The following JAKMIP3 variants were observed in gnomAD, a reference collection of about 807,000 sequenced individuals.
The protein encoded by JAKMIP3 is janus kinase and microtubule-interacting protein 3.
A neutral mutation model predicts 118.5 loss-of-function variants in JAKMIP3; 58 were observed. The observed-to-expected ratio is 0.49, with a 90% CI of 0.40 to 0.61. The LOEUF is 0.61. Among genes scored for constraint, JAKMIP3 ranks in the 20% least tolerant of loss-of-function variants. The pLI, the probability that JAKMIP3 is intolerant of heterozygous loss-of-function variation, is 0.00. For synonymous variants in JAKMIP3, 486 were observed against 451.2 expected (o/e 1.08, Z -0.98); for missense variants, 950 against 1,109.0 (o/e 0.86, Z 2.04).
chr10:132,098,428 T>C (rs9419187), intron 1 of JAKMIP3, among the ~76,000 whole-genome samples: 93,142 of 152,052 alleles, frequency 0.61, 28,786 homozygotes, highest in East Asian at 0.71. Context: ...AAAATGTGAA[T>C]GTGTTGAAGT....
At position 132,112,099 on chromosome 10, in the gene JAKMIP3, G is replaced by A. The variant is rs1490434897; in HGVS notation, c.136-4978G>A. 6.6e-6 allele frequency among the ~76,000 whole-genome samples: 1 copy of A among 151,954 alleles called. No homozygotes were observed. The highest frequency in any genetic ancestry group is 1.5e-5 in the Non-Finnish European group (1 of 67,954). On this transcript the variant is annotated intron_variant, in intron 2 of 23. Coordinates refer to ENST00000684848, the MANE Select transcript of JAKMIP3 (RefSeq NM_001323087.2). The surrounding 1 kb of genome is among the most constrained non-coding windows in gnomAD (Gnocchi z 4.3). Reference sequence around the variant, plus strand: ...GCTTGGGTCTGAGCAGCAGTGGCCGGGCTGCCCTTTGCTGAGGTGGCATCT... The same window carrying A: ...GCTTGGGTCTGAGCAGCAGTGGCCGAGCTGCCCTTTGCTGAGGTGGCATCT...
intron 1 of JAKMIP3, among the ~76,000 whole-genome samples, chr10:132,053,229 C>T (rs939031009): frequency 4.6e-5 from 7 of 152,218 alleles, no homozygotes; most frequent in Non-Finnish European, 4.4e-5. Flanking sequence ...TCTGTCACCA[C>T]CCTCAAAGTT....
chr10:132,084,970 G>A (rs2042201121), intron 1 of JAKMIP3, among the ~76,000 whole-genome samples: 1 of 152,180 alleles, frequency 6.6e-6, no homozygotes, highest in African/African-American at 2.4e-5. Flanking sequence ...GTTGGATTCG[G>A]TTAGCTAGTA....
intron 10 of JAKMIP3, among the ~76,000 whole-genome samples, chr10:132,141,688 G>A (rs1438189204): frequency 2.6e-5 from 4 of 152,098 alleles, no homozygotes; most frequent in Non-Finnish European, 5.9e-5. Context: ...CCCACCCCAG[G>A]GCTCGGTGCT....
intron 1 of JAKMIP3, among the ~76,000 whole-genome samples, chr10:132,048,865 C>T (rs113715733): frequency 6.6e-6 from 1 of 152,128 alleles, no homozygotes; most frequent in African/African-American, 2.4e-5. Context: ...TAGTCTCGAT[C>T]TCCTGACCTC....
intron 1 of JAKMIP3, among the ~76,000 whole-genome samples, chr10:132,043,840 C>T (rs1272488935): frequency 6.6e-6 from 1 of 152,120 alleles, no homozygotes; most frequent in Non-Finnish European, 1.5e-5. Flanking sequence ...GGGTTGTTTT[C>T]CTTAACATTT....
Position 132,148,040 on chromosome 10 carries a change from T to C in JAKMIP3, c.1838T>C (p.Leu613Pro). Residue 613 changes from leucine to proline, a missense_variant, in exon 14 of 24, where the codon CTG (leucine) becomes CCG (proline). By Grantham distance (98) the Leu-to-Pro change is moderately conservative. Transcript: ENST00000684848. The stretch of plus-strand genomic sequence containing the variant: ...AACGAGCTGCTGGAGTTCAGGATCC[T>C]GGAGCTTGAGGTAGCTGAGTGGATG... ...DQNELLEFRI[L>P]ELEERERKSP... 3 of 1,607,334 alleles carry C rather than the reference T, an allele frequency of 1.9e-6. No individual in the cohort carries two copies. Among genetic ancestry groups the C allele is most frequent in the Non-Finnish European group, 1.7e-6 (2 of 1,176,540 alleles).
At chr10:132,170,558 G>A (rs748357450) in intron 23 of JAKMIP3, among the ~76,000 whole-genome samples, 33 of 152,296 alleles carry the variant, frequency 2.2e-4, no homozygotes, top group Non-Finnish European at 3.7e-4. Context: ...TGACATCTGG[G>A]ACTTGGACAT....
chr10:132,178,885 C>T (rs988462984), intron 23 of JAKMIP3, among the ~76,000 whole-genome samples: 4 of 152,088 alleles, frequency 2.6e-5, no homozygotes, highest in African/African-American at 7.2e-5. Context: ...CCTGTTCCTC[C>T]GGCTCTGTTT....
At chr10:132,157,665 C>T (rs2057257246) in intron 19 of JAKMIP3, among the ~76,000 whole-genome samples, 1 of 152,210 alleles carries the variant, frequency 6.6e-6, no homozygotes, top group African/African-American at 2.4e-5. Context: ...TAACATGTTT[C>T]TATGCAACTC....
At chr10:132,124,864 A>T in intron 3 of JAKMIP3, among the ~76,000 whole-genome samples, 1 of 152,232 alleles carries the variant, frequency 6.6e-6, no homozygotes, top group East Asian at 1.9e-4. Context: ...CTACATCCTC[A>T]TCAGTGACAG....
chr10:132,120,809 C>T (rs1015651258), intron 3 of JAKMIP3, among the ~76,000 whole-genome samples: 3 of 152,248 alleles, frequency 2.0e-5, no homozygotes, highest in South Asian at 2.1e-4. Flanking sequence ...GAGAACACCC[C>T]GGCCTCTAAA....
chr10:132,142,333 C>T (rs969813388), intron 11 of JAKMIP3, among the ~76,000 whole-genome samples: 3 of 152,190 alleles, frequency 2.0e-5, no homozygotes, highest in Non-Finnish European at 4.4e-5. Context: ...GTGGCAGGGG[C>T]CCACAGCGCC....
intron 1 of JAKMIP3, among the ~76,000 whole-genome samples, chr10:132,084,507 T>C (rs1457425597): frequency 1.3e-5 from 2 of 152,226 alleles, no homozygotes; most frequent in Middle Eastern, 3.2e-3. Context: ...ACTTCCTCTT[T>C]ATGGATTTGT....
At chr10:132,125,621 T>C (rs145113116) in intron 3 of JAKMIP3, among the ~76,000 whole-genome samples, 1 of 152,384 alleles carries the variant, frequency 6.6e-6, no homozygotes, top group Non-Finnish European at 1.5e-5. Context: ...ATGAACCTGG[T>C]GTATTTACTG....
chr10:132,177,306 C>G (rs545239696), intron 23 of JAKMIP3, among the ~76,000 whole-genome samples: 1 of 152,216 alleles, frequency 6.6e-6, no homozygotes, highest in Non-Finnish European at 1.5e-5. Flanking sequence ...GAACAGCTGC[C>G]GCCACCAGAT....
rs2061029691 is a variant in JAKMIP3, at chr10:132,180,676, CGCGCGCGTGTGTGTGCGTGCGT to C, written c.*1104-1679_*1104-1658del. Among the ~76,000 whole-genome samples the C allele has an allele frequency of 6.6e-4, 3 of 4,576 alleles. 1 individual carries two copies. The highest frequency in any genetic ancestry group is 0.12 in the Middle Eastern group (1 of 8). The allele number at this position is 4,576 out of a possible 152,430, so 3.0% of individuals were successfully genotyped here. A position where few individuals can be genotyped will look rare whatever the true frequency, so the allele number is the denominator to read the frequency against. On this transcript the variant is annotated intron_variant, in intron 23 of 23. Coordinates refer to ENST00000684848, the MANE Select transcript of JAKMIP3 (RefSeq NM_001323087.2). ...GCGTGTGCGTGTGTGCGTGTGTGTG[CGCGCGCGTGTGTGTGCGTGCGT>C]GTGTGTGTGCGCGTGTGTGTGCGTG...
At chr10:132,066,175 G>C (rs2038739790) in intron 1 of JAKMIP3, among the ~76,000 whole-genome samples, 114 bp downstream of exon 1, 1 of 152,210 alleles carries the variant, frequency 6.6e-6, no homozygotes, top group African/African-American at 2.4e-5. Flanking sequence ...CACGTATGTG[G>C]CTGGAAAGTT....
rs138207963 is a variant in JAKMIP3, at chr10:132,133,348, G to C, written c.670G>C (p.Val224Leu). Residue 224 changes from valine to leucine, a missense_variant, in exon 4 of 24, where the codon GTG (valine) becomes CTG (leucine). Val to Leu is a conservative substitution (Grantham distance 32). Coordinates refer to ENST00000684848, the MANE Select transcript of JAKMIP3 (RefSeq NM_001323087.2). ...EIKFKDRAVF[V>L]LERELGVQAG... ...AAAATTTAAAGACAGAGCAGTCTTC[G>C]TGCTGGAGAGAGAGTTAGGGGTTCA... 1.9e-6 allele frequency: 3 copies of C among 1,600,074 alleles called. No individual in the cohort carries two copies. The highest frequency in any genetic ancestry group is 2.7e-5 in the African/African-American group (2 of 74,668).
Sources: gnomAD v4.1 joint callset for allele counts (sites outside exome capture counted in the v4.1 genomes callset) on GRCh38, gnomAD v4.1.1 for gene constraint, Gnocchi (gnomAD v3.1) non-coding constraint, MANE v1.5 for transcripts, NCBI Gene and HGNC (gene_info 2026-07-23, HGNC 2026-07-21) for gene names.